Variants in EYA4 observed in about 807,000 individuals in gnomAD.
EYA4 encodes EYA transcriptional coactivator and phosphatase 4, also known as protein phosphatase EYA4.
Under a neutral mutation model 87.9 loss-of-function variants are expected in EYA4, and 31 were observed. The observed-to-expected ratio is 0.35, with a 90% CI of 0.27 to 0.48. The LOEUF is 0.48. EYA4 is among the 20% of genes least tolerant of loss of function. The probability of loss-of-function intolerance (pLI) is 0.99; values close to 1 mark genes in which losing one functional copy is unlikely to be tolerated. For synonymous variants in EYA4, 263 were observed against 270.6 expected (o/e 0.97, Z 0.28); for missense variants, 678 against 761.4 (o/e 0.89, Z 1.29).
chr6:133,273,475 A>C (rs912549403), intron 1 of EYA4, among the ~76,000 whole-genome samples: 2 of 152,164 alleles, frequency 1.3e-5, no homozygotes, highest in South Asian at 4.1e-4. Context: ...AATCCAATCA[A>C]GTTGACACTC....
At chr6:133,324,222 A>G (rs902430875) in intron 2 of EYA4, among the ~76,000 whole-genome samples, 13 of 152,198 alleles carry the variant, frequency 8.5e-5, no homozygotes, top group Non-Finnish European at 7.3e-5. Flanking sequence ...GAATTATTAT[A>G]TAGTGCATCT....
chr6:133,412,463 T>C (rs1789325215), intron 3 of EYA4, among the ~76,000 whole-genome samples: 1 of 152,210 alleles, frequency 6.6e-6, no homozygotes, highest in African/African-American at 2.4e-5. Flanking sequence ...CTTTCAACAC[T>C]GTAGATCAAT....
chr6:133,322,747 T>C (rs1326350411), intron 2 of EYA4, among the ~76,000 whole-genome samples: 1 of 152,160 alleles, frequency 6.6e-6, no homozygotes, highest in East Asian at 1.9e-4. Flanking sequence ...ATAAATCTTG[T>C]AAATAAGCAT....
chr6:133,342,185 T>G (rs1562309362), intron 2 of EYA4, among the ~76,000 whole-genome samples: 1 of 151,834 alleles, frequency 6.6e-6, no homozygotes, highest in Non-Finnish European at 1.5e-5. Flanking sequence ...GGTACCAGCT[T>G]CTTTGGGTTT....
chr6:133,506,711 T>G (rs1583495445), intron 14 of EYA4, among the ~76,000 whole-genome samples: 1 of 152,312 alleles, frequency 6.6e-6, no homozygotes, highest in African/African-American at 2.4e-5. Flanking sequence ...TTTCTCATTT[T>G]AAAAATTATG....
chr6:133,513,533 A>C (rs1402785370), intron 16 of EYA4, among the ~76,000 whole-genome samples: 1 of 152,180 alleles, frequency 6.6e-6, no homozygotes, highest in Non-Finnish European at 1.5e-5. Flanking sequence ...ATCATGTTTT[A>C]TGTCAGTGTA....
intron 2 of EYA4, among the ~76,000 whole-genome samples, chr6:133,282,835 A>G (rs753956193): frequency 1.3e-5 from 2 of 152,170 alleles, no homozygotes; most frequent in Non-Finnish European, 2.9e-5. Context: ...ACCAAGCCTC[A>G]TAACTGCTAA....
Position 133,332,008 on chromosome 6 carries a change from A to G in EYA4, c.34-50384A>G, listed in dbSNP as rs1282431886. 2.6e-5 allele frequency among the ~76,000 whole-genome samples: 4 copies of G among 152,348 alleles called. No individual in the cohort carries two copies. The East Asian group carries it at 7.7e-4, about 29-fold the overall frequency. ...TGCCTCCGACCAGGGTTATATGGGT[A>G]ATAAGGAGACGGCAAATCAGTGGAC... is the stretch of plus-strand genomic sequence containing the variant. On this transcript the variant is annotated intron_variant, in intron 2 of 19. Transcript: ENST00000355286.
chr6:133,512,845 T>G, intron 15 of EYA4, 33 bp from the exon 16 acceptor site: 1 of 1,613,436 alleles, frequency 6.2e-7, no homozygotes, highest in South Asian at 1.1e-5. Context: ...GCACATGTAA[T>G]TATTTCTTTT....
chr6:133,329,404 A>G (rs940499657), intron 2 of EYA4, among the ~76,000 whole-genome samples: 5 of 152,120 alleles, frequency 3.3e-5, no homozygotes, highest in African/African-American at 1.2e-4. Context: ...CTCTCATGAA[A>G]GAGATGAAAT....
intron 1 of EYA4, among the ~76,000 whole-genome samples, chr6:133,242,242 G>A (rs1774010807): frequency 6.6e-6 from 1 of 152,244 alleles, no homozygotes; most frequent in African/African-American, 2.4e-5. Context: ...GAGGGTCACA[G>A]GCGCCTGGGC....
At chr6:133,312,759 C>T (rs899727389) in intron 2 of EYA4, among the ~76,000 whole-genome samples, 1 of 152,172 alleles carries the variant, frequency 6.6e-6, no homozygotes, top group African/African-American at 2.4e-5. Flanking sequence ...TCTTTAATAG[C>T]TTCTTTGCTT....
intron 3 of EYA4, among the ~76,000 whole-genome samples, chr6:133,433,528 G>C (rs1791373199): frequency 1.3e-5 from 2 of 152,174 alleles, no homozygotes; most frequent in African/African-American, 4.8e-5. Context: ...GCTAATTTTT[G>C]TATTTTTAGT....
intron 12 of EYA4, among the ~76,000 whole-genome samples, chr6:133,482,271 T>A (rs1315037888): frequency 2.0e-5 from 3 of 152,220 alleles, no homozygotes; most frequent in African/African-American, 7.2e-5. Flanking sequence ...TTGTGATTCT[T>A]TATAAGAGAT....
intron 13 of EYA4, among the ~76,000 whole-genome samples, chr6:133,495,440 A>G (rs1366865645): frequency 2.7e-5 from 4 of 148,764 alleles, no homozygotes; most frequent in African/African-American, 7.3e-5. Context: ...ATAAATAAAT[A>G]TAAAGAAATA....
intron 2 of EYA4, among the ~76,000 whole-genome samples, chr6:133,309,490 C>A (rs1780055582): frequency 1.3e-5 from 2 of 152,148 alleles, no homozygotes; most frequent in African/African-American, 2.4e-5. Context: ...TAAAAAATTT[C>A]TGTTTTAAAG....
intron 13 of EYA4, among the ~76,000 whole-genome samples, chr6:133,493,268 A>G (rs1405094188): frequency 1.3e-5 from 2 of 152,188 alleles, no homozygotes; most frequent in East Asian, 3.8e-4. Context: ...AATGAAAAGA[A>G]TAGAGTACCT....
At chr6:133,517,656 G>A (rs112312365) in intron 17 of EYA4, among the ~76,000 whole-genome samples, 1,884 of 152,310 alleles carry the variant, frequency 0.012, 45 homozygotes, top group African/African-American at 0.042. Context: ...AATGGAGAGC[G>A]GAGGGGAAGT....
rs1562528009 is a variant in EYA4, at chr6:133,531,454, A to C, written c.*2649A>C. On this transcript the variant is annotated 3_prime_UTR_variant, in exon 20 of 20. Coordinates refer to ENST00000355286, the MANE Select transcript of EYA4 (RefSeq NM_004100.5). ...GTTCCCACCTCCTATTGACATATGG[A>C]ATATTGTGCCTTATTGTAAACCAGT... is the stretch of plus-strand genomic sequence containing the variant. 1 of 516,424 alleles carries C rather than the reference A, an allele frequency of 1.9e-6. No homozygotes were observed. Among genetic ancestry groups the C allele is most frequent in the Non-Finnish European group, 3.4e-6 (1 of 291,390 alleles). 32.0% of individuals were successfully genotyped at this position (516,424 alleles called of 1,614,324 possible).
Sources: gnomAD v4.1 joint callset for allele counts (sites outside exome capture counted in the v4.1 genomes callset) on GRCh38, gnomAD v4.1.1 for gene constraint, MANE v1.5 for transcripts, NCBI Gene and HGNC (gene_info 2026-07-23, HGNC 2026-07-21) for gene names.